Variants in TAS1R3 observed in about 807,000 individuals in gnomAD.
TAS1R3 encodes taste 1 receptor member 3.
Under a neutral mutation model 46.1 loss-of-function variants are expected in TAS1R3, and 58 were observed. That is an observed-to-expected ratio of 1.26 (90% CI 1.02 to 1.57). TAS1R3 has a LOEUF of 1.57. TAS1R3 is among the 40% of genes most tolerant of loss of function. The pLI, the probability that TAS1R3 is intolerant of heterozygous loss-of-function variation, is 0.00. For missense variants in TAS1R3, 1,422 were observed against 1,185.8 expected (o/e 1.20, Z -2.93); for synonymous variants, 724 against 544.7 (o/e 1.33, Z -4.58).
chr1:1,332,423 G>A lies in TAS1R3; in HGVS notation c.892G>A (p.Val298Met). 6.2e-7 allele frequency: 1 copy of A among 1,606,770 alleles called. No homozygotes were observed. Among genetic ancestry groups the A allele is most frequent in the Non-Finnish European group, 8.5e-7 (1 of 1,178,258 alleles). Reference protein sequence around the residue: ...ISSRLSPKVWVASEAWLTSDL... With the variant: ...ISSRLSPKVWMASEAWLTSDL... ...CAGCAGGCTCTCGCCCAAGGTGTGG[G>A]TGGCCAGCGAGGCCTGGCTGACCTC... Residue 298 changes from valine (V) to methionine (M), a missense_variant, in exon 3 of 6, where the codon GTG (valine) becomes ATG (methionine). Transcript: ENST00000339381.
Position 1,334,226 on chromosome 1 carries a change from C to T in TAS1R3, c.2321C>T (p.Thr774Ile), listed in dbSNP as rs1261859286. The change falls in exon 6 of 6, where the codon ACC (threonine) becomes ATC (isoleucine). Residue 774 changes from threonine to isoleucine, a missense_variant. By Grantham distance (89) the Thr-to-Ile change is moderately conservative. Transcript: ENST00000339381. ...TTTGCCATGCTGGCCTACTTCATCACCTGGGTCTCCTTTGTGCCCCTCCTG... is the reference window on the plus strand; with the variant it reads ...TTTGCCATGCTGGCCTACTTCATCATCTGGGTCTCCTTTGTGCCCCTCCTG... ...LTFAMLAYFI[T>I]WVSFVPLLAN... 6.2e-6 allele frequency: 10 copies of T among 1,610,294 alleles called. No individual in the cohort carries two copies. Among genetic ancestry groups the T allele is most frequent in the African/African-American group, 1.3e-5 (1 of 74,906 alleles).
In TAS1R3 at chr1:1,331,477, C is replaced by A; in HGVS notation, c.132C>A (p.Gly44=). The change falls in exon 1 of 6, where the codon GGC becomes GGA. Residue 44 remains glycine (G), a synonymous_variant. Transcript: ENST00000339381. Reference sequence around the variant, plus strand: ...TGCTGGGGGGGCTGTTCCCCCTGGGCGAGGCCGAGGAGGCTGGCCTCCGCA... The same window carrying A: ...TGCTGGGGGGGCTGTTCCCCCTGGGAGAGGCCGAGGAGGCTGGCCTCCGCA... ...DYVLGGLFPL[G]EAEEAGLRSR... 1 of 1,607,026 alleles carries A rather than the reference C, an allele frequency of 6.2e-7. No homozygotes were observed. The highest frequency in any genetic ancestry group is 2.2e-5 in the East Asian group (1 of 44,722).
At position 1,331,674 on chromosome 1, in the gene TAS1R3, G is replaced by A. The variant is rs766814250; in HGVS notation, c.228G>A (p.Met76Ile). 1.2e-6 allele frequency: 2 copies of A among 1,612,774 alleles called. No homozygotes were observed. Among genetic ancestry groups the A allele is most frequent in the South Asian group, 2.2e-5 (2 of 91,076 alleles). ...ACGGCCTGCTCTGGGCACTGGCCAT[G>A]AAAATGGCCGTGGAGGAGATCAACA... ...SSNGLLWALAMKMAVEEINNK... is the reference protein window; with the variant it reads ...SSNGLLWALAIKMAVEEINNK... The change falls in exon 2 of 6, where the codon ATG becomes ATA. Residue 76 changes from methionine (M) to isoleucine (I), a missense_variant. Physicochemically the swap from Met to Ile is conservative, Grantham distance 10. Transcript: ENST00000339381.
rs1310233953 is a variant in TAS1R3 at position 1,332,946 on chromosome 1, C to A, written c.1301C>A (p.Thr434Asn). 6.2e-7 allele frequency: 1 copy of A among 1,611,274 alleles called. No individual in the cohort carries two copies. The highest frequency in any genetic ancestry group is 2.2e-5 in the East Asian group (1 of 44,846). The change falls in exon 4 of 6, where the codon ACC (threonine) becomes AAC (asparagine). Residue 434 changes from threonine to asparagine, a missense_variant. Transcript: ENST00000339381. Reference sequence around the variant, plus strand: ...CTCCTGGAGAACATGTACAACCTGACCTTCCACGTGGGCGGGCTGCCGCTG... The same window carrying A: ...CTCCTGGAGAACATGTACAACCTGAACTTCCACGTGGGCGGGCTGCCGCTG... Reference protein sequence around the residue: ...WQLLENMYNLTFHVGGLPLRF... With the variant: ...WQLLENMYNLNFHVGGLPLRF...
rs775889840 is a variant in TAS1R3 at position 1,332,076 on chromosome 1, CCTT to C, written c.550_552del (p.Phe184del). The C allele has an allele frequency of 1.9e-5, 30 of 1,602,810 alleles. No homozygotes were observed. The highest frequency in any genetic ancestry group is 4.5e-5 in the East Asian group (2 of 44,882). On this transcript the variant is annotated inframe_deletion, in exon 3 of 6. Transcript: ENST00000339381. ...CTGAGCGCCCGGGAGACCTTCCCCT[CCTT>C]CTTCCGCACCGTGCCCAGCGACCGT...
Position 1,332,632 on chromosome 1 carries a change from C to T in TAS1R3, c.1101C>T (p.Gly367=), listed in dbSNP as rs1162191421. ...AGGGTCTGGAGGAGGACGTGGTGGGCCAGCGCTGCCCGCAGTGTGACTGCA... is the reference window on the plus strand; with the variant it reads ...AGGGTCTGGAGGAGGACGTGGTGGGTCAGCGCTGCCCGCAGTGTGACTGCA... The part of the protein sequence containing the change: ...REQGLEEDVV[G]QRCPQCDCIT... Residue 367 remains glycine, a synonymous_variant, in exon 3 of 6, where the codon GGC becomes GGT. Transcript: ENST00000339381. 1.2e-6 allele frequency: 2 copies of T among 1,608,786 alleles called. No homozygotes were observed.
chr1:1,331,848 C>T lies in TAS1R3; in HGVS notation c.402C>T (p.Tyr134=), dbSNP rs762041645. The T allele has an allele frequency of 6.8e-6, 11 of 1,612,920 alleles. No homozygotes were observed. Among genetic ancestry groups the T allele is most frequent in the South Asian group, 3.3e-5 (3 of 91,084 alleles). ...DIAAYCNYTQ[Y]QPRVLAVIGP... is the part of the protein sequence containing the mutation. ...CCGCCTACTGCAACTACACGCAGTA[C>T]CAGCCCCGTGTGCTGGCTGTCATCG... is the stretch of plus-strand genomic sequence containing the variant. Residue 134 remains tyrosine (Y), a synonymous_variant, in exon 2 of 6, where the codon TAC becomes TAT. Coordinates refer to ENST00000339381, the MANE Select transcript of TAS1R3 (RefSeq NM_152228.3).
rs758026816 is a variant in TAS1R3 at position 1,333,739 on chromosome 1, G to T, written c.1834G>T (p.Val612Leu). 6.2e-7 allele frequency: 1 copy of T among 1,603,546 alleles called. No homozygotes were observed. Among genetic ancestry groups the T allele is most frequent in the African/African-American group, 1.3e-5 (1 of 74,972 alleles). The change falls in exon 6 of 6, where the codon GTG becomes TTG. Residue 612 changes from valine (V) to leucine (L), a missense_variant. Val to Leu is a conservative substitution (Grantham distance 32). Coordinates refer to ENST00000339381, the MANE Select transcript of TAS1R3 (RefSeq NM_152228.3). ...SGGPLACFGL[V>L]CLGLVCLSVL... ...GGGGCCCCTGGCCTGCTTTGGCCTGGTGTGCCTGGGCCTGGTCTGCCTCAG... is the reference window on the plus strand; with the variant it reads ...GGGGCCCCTGGCCTGCTTTGGCCTGTTGTGCCTGGGCCTGGTCTGCCTCAG...
At position 1,334,727 on chromosome 1, in the gene TAS1R3, G is replaced by C. The variant is rs1643517446; in HGVS notation, c.*263G>C. The C allele has an allele frequency of 4.5e-6, 2 of 444,408 alleles. No homozygotes were observed. The highest frequency in any genetic ancestry group is 8.5e-5 in the South Asian group (2 of 23,638). 27.5% of individuals were successfully genotyped at this position (444,408 alleles called of 1,614,324 possible). ...CAGGTAACCCAGACCCACTGTTCTG[G>C]AAAGAGGCCCGGAGGGCTCCCAGGG... On this transcript the variant is annotated 3_prime_UTR_variant, in exon 6 of 6. Transcript: ENST00000339381.
Position 1,333,969 on chromosome 1 carries a change from C to A in TAS1R3, c.2064C>A (p.Ala688=), listed in dbSNP as rs1643494874. ...GPWAWLVVLL[A]MLVEVALCTW... is the part of the protein sequence containing the mutation. ...GGGCCTGGCTGGTGGTGCTGCTGGC[C>A]ATGCTGGTGGAGGTCGCACTGTGCA... is the stretch of plus-strand genomic sequence containing the variant. The change falls in exon 6 of 6, where the codon GCC becomes GCA. Residue 688 remains alanine (A), a synonymous_variant. Transcript: ENST00000339381. 1 of 1,600,958 alleles carries A rather than the reference C, an allele frequency of 6.2e-7. No homozygotes were observed. The highest frequency in any genetic ancestry group is 8.5e-7 in the Non-Finnish European group (1 of 1,179,708).
chr1:1,333,195 G>A, intron 4 of TAS1R3, 64 bp from the exon 5 acceptor site: 3 of 1,590,250 alleles, frequency 1.9e-6, no homozygotes, highest in Admixed American at 1.7e-5. Flanking sequence ...TGGGGGTGGG[G>A]GCCGTTCCAG....
chr1:1,333,102 G>T lies in TAS1R3; in HGVS notation c.1457G>T (p.Arg486Leu), dbSNP rs146218208. The T allele has an allele frequency of 6.2e-7, 1 of 1,611,944 alleles. No individual in the cohort carries two copies. The highest frequency in any genetic ancestry group is 1.3e-5 in the African/African-American group (1 of 75,030). Residue 486 changes from arginine (R) to leucine (L), a missense_variant, in exon 4 of 6, where the codon CGC becomes CTC. Arg to Leu is a moderately radical substitution (Grantham distance 102). Transcript: ENST00000339381. ...GSLRTERLKI[R>L]WHTSDNQKPV... ...CTCAGGACAGAGCGCCTGAAGATCC[G>T]CTGGCACACGTCTGACAACCAGGTG...
rs201702540 is a variant in TAS1R3, at chr1:1,334,292, G to A, written c.2387G>A (p.Gly796Asp). 2.5e-6 allele frequency: 4 copies of A among 1,611,826 alleles called. No homozygotes were observed. The highest frequency in any genetic ancestry group is 1.1e-5 in the South Asian group (1 of 90,992). Residue 796 changes from glycine (G) to aspartate (D), a missense_variant, in exon 6 of 6, where the codon GGC (glycine) becomes GAC (aspartate). Physicochemically the swap from Gly to Asp is moderately conservative, Grantham distance 94. Transcript: ENST00000339381. ...QVVLRPAVQM[G>D]ALLLCVLGIL... ...GTCCTCAGGCCCGCCGTGCAGATGG[G>A]CGCCCTCCTGCTCTGTGTCCTGGGC...
In TAS1R3 at chr1:1,332,495, C is replaced by A; in HGVS notation, c.964C>A (p.Leu322Ile). 1 of 1,610,800 alleles carries A rather than the reference C, an allele frequency of 6.2e-7. No individual in the cohort carries two copies. The highest frequency in any genetic ancestry group is 8.5e-7 in the Non-Finnish European group (1 of 1,179,918). Reference protein sequence around the residue: ...LPGMAQMGTVLGFLQRGAQLH... With the variant: ...LPGMAQMGTVIGFLQRGAQLH... ...CGGCATGGCCCAGATGGGCACGGTG[C>A]TTGGCTTCCTCCAGAGGGGTGCCCA... The change falls in exon 3 of 6, where the codon CTT becomes ATT. Residue 322 changes from leucine (L) to isoleucine (I), a missense_variant. Leu to Ile is a conservative substitution (Grantham distance 5, BLOSUM62 2). Coordinates refer to ENST00000339381, the MANE Select transcript of TAS1R3 (RefSeq NM_152228.3).
At position 1,332,584 on chromosome 1, in the gene TAS1R3, C is replaced by T. The variant is rs748014699; in HGVS notation, c.1053C>T (p.Cys351=). 7 of 1,611,558 alleles carry T rather than the reference C, an allele frequency of 4.3e-6. No individual in the cohort carries two copies. In the East Asian group the frequency reaches 1.6e-4, roughly 36 times the overall value. ...CCCTGGCCACCGACCCGGCCTTCTG[C>T]TCTGCCCTGGGCGAGAGGGAGCAGG... is the stretch of plus-strand genomic sequence containing the variant. ...HLALATDPAF[C]SALGEREQGL... The change falls in exon 3 of 6, where the codon TGC becomes TGT. Residue 351 remains cysteine (C), a synonymous_variant. Coordinates refer to ENST00000339381, the MANE Select transcript of TAS1R3 (RefSeq NM_152228.3).
At position 1,331,445 on chromosome 1, in the gene TAS1R3, G is replaced by A. The variant is rs760321025; in HGVS notation, c.100G>A (p.Asp34Asn). The A allele has an allele frequency of 1.1e-5, 17 of 1,604,656 alleles. No individual in the cohort carries two copies. The highest frequency in any genetic ancestry group is 1.4e-5 in the Non-Finnish European group (16 of 1,177,328). ...CLSQQLRMKG[D>N]YVLGGLFPLG... Reference sequence around the variant, plus strand: ...GTCACAGCAACTTAGGATGAAGGGGGACTACGTGCTGGGGGGGCTGTTCCC... The same window carrying A: ...GTCACAGCAACTTAGGATGAAGGGGAACTACGTGCTGGGGGGGCTGTTCCC... Residue 34 changes from aspartate to asparagine, a missense_variant, in exon 1 of 6, where the codon GAC becomes AAC. Asp to Asn is a conservative substitution (Grantham distance 23). Coordinates refer to ENST00000339381, the MANE Select transcript of TAS1R3 (RefSeq NM_152228.3).
chr1:1,331,406 G>A lies in TAS1R3; in HGVS notation c.61G>A (p.Ala21Thr), dbSNP rs776715338. 3 of 1,605,624 alleles carry A rather than the reference G, an allele frequency of 1.9e-6. No homozygotes were observed. The highest frequency in any genetic ancestry group is 1.7e-6 in the Non-Finnish European group (2 of 1,176,702). ...LWALLHPGTG[A>T]PLCLSQQLRM... ...GGCTCTCCTGCACCCTGGGACGGGG[G>A]CCCCATTGTGCCTGTCACAGCAACT... is the stretch of plus-strand genomic sequence containing the variant. The change falls in exon 1 of 6, where the codon GCC (alanine) becomes ACC (threonine). Residue 21 changes from alanine (A) to threonine (T), a missense_variant. Ala to Thr is a moderately conservative substitution (Grantham distance 58). Transcript: ENST00000339381.
rs139727182 is a variant in TAS1R3 at position 1,334,089 on chromosome 1, C to A, written c.2184C>A (p.Val728=). The A allele has an allele frequency of 1.3e-6, 2 of 1,591,228 alleles. No individual in the cohort carries two copies. Among genetic ancestry groups the A allele is most frequent in the Non-Finnish European group, 1.7e-6 (2 of 1,170,580 alleles). The stretch of plus-strand genomic sequence containing the variant: ...TGCACTGCCGCACACGCTCCTGGGT[C>A]AGCTTCGGCCTAGCGCACGCCACCA... ...ALVHCRTRSW[V]SFGLAHATNA... The change falls in exon 6 of 6, where the codon GTC becomes GTA. Residue 728 remains valine, a synonymous_variant. Transcript: ENST00000339381.
rs768551150 is a variant in TAS1R3 at position 1,332,954 on chromosome 1, G to A, written c.1309G>A (p.Val437Met). Reference sequence around the variant, plus strand: ...GAACATGTACAACCTGACCTTCCACGTGGGCGGGCTGCCGCTGCGGTTCGA... The same window carrying A: ...GAACATGTACAACCTGACCTTCCACATGGGCGGGCTGCCGCTGCGGTTCGA... ...LENMYNLTFH[V>M]GGLPLRFDSS... is the part of the protein sequence containing the mutation. The change falls in exon 4 of 6, where the codon GTG becomes ATG. Residue 437 changes from valine (V) to methionine (M), a missense_variant. Transcript: ENST00000339381. The A allele has an allele frequency of 1.7e-5, 27 of 1,611,748 alleles. No homozygotes were observed. The highest frequency in any genetic ancestry group is 5.0e-5 in the Admixed American group (3 of 59,980).
Sources: allele counts gnomAD v4.1 joint callset, GRCh38; gene constraint gnomAD v4.1.1; transcripts MANE v1.5; gene names NCBI Gene and HGNC (gene_info 2026-07-23, HGNC 2026-07-21).